The following DLGAP2 variants were observed in gnomAD, a reference collection of about 807,000 sequenced individuals.
DLGAP2 encodes the protein DLG associated protein 2.
Under a neutral mutation model 100.3 loss-of-function variants are expected in DLGAP2, and 26 were observed. The observed-to-expected ratio is 0.26, with a 90% CI of 0.19 to 0.36. The LOEUF (loss-of-function observed/expected upper bound fraction) is 0.36. Ranked by LOEUF, DLGAP2 falls within the 10% of genes least tolerant of loss-of-function variation. DLGAP2 has a pLI of 1.00. For missense variants in DLGAP2, 1,858 were observed against 1,453.2 expected (o/e 1.28, Z -4.53); for synonymous variants, 886 against 630.1 (o/e 1.41, Z -6.08).
At chr8:1,593,748 C>T (rs1421424069) in intron 6 of DLGAP2, among the ~76,000 whole-genome samples, 4 of 152,190 alleles carry the variant, frequency 2.6e-5, no homozygotes, top group African/African-American at 4.8e-5. Context: ...GAGTCTGGCC[C>T]ACTCTGGTTG....
intron 1 of DLGAP2, among the ~76,000 whole-genome samples, chr8:888,196 T>C (rs529915702): frequency 6.6e-6 from 1 of 152,356 alleles, no homozygotes; most frequent in Admixed American, 6.5e-5. Context: ...TACTTGTGTA[T>C]GCTTCATGAA....
intron 3 of DLGAP2, among the ~76,000 whole-genome samples, chr8:1,318,136 G>A (rs13259329): frequency 7.8e-4 from 71 of 91,580 alleles, no homozygotes; most frequent in East Asian, 1.5e-3. Flanking sequence ...CGAGACACTC[G>A]TCAGCGTTTA....
intron 2 of DLGAP2, among the ~76,000 whole-genome samples, chr8:1,085,271 C>A (rs1803937422): frequency 6.6e-6 from 1 of 151,568 alleles, no homozygotes; most frequent in Non-Finnish European, 1.5e-5. Flanking sequence ...AATCCCTTAT[C>A]AGATGTATGG....
At chr8:1,077,020 G>C (rs1193781395) in intron 2 of DLGAP2, among the ~76,000 whole-genome samples, 1 of 149,606 alleles carries the variant, frequency 6.7e-6, no homozygotes, top group Non-Finnish European at 1.5e-5. Flanking sequence ...GGAGGAGTCT[G>C]TCCCGGGCCC....
At chr8:1,550,891 C>T (rs1163698509) in intron 5 of DLGAP2, among the ~76,000 whole-genome samples, 1 of 152,248 alleles carries the variant, frequency 6.6e-6, no homozygotes, top group Non-Finnish European at 1.5e-5. Context: ...ATCACTCTTG[C>T]TTGCCTAGAG....
At chr8:1,031,827 C>G (rs1801982327) in intron 2 of DLGAP2, among the ~76,000 whole-genome samples, 1 of 152,308 alleles carries the variant, frequency 6.6e-6, no homozygotes, top group African/African-American at 2.4e-5. Flanking sequence ...AAGATCTCTT[C>G]AGTGCATTAA....
rs1797936902 is a variant in DLGAP2, at chr8:1,203,961, G to C, written c.74-54890G>C. Among the ~76,000 whole-genome samples, 4 of 152,180 alleles carry C rather than the reference G, an allele frequency of 2.6e-5. No homozygotes were observed. In the South Asian group the frequency reaches 8.3e-4, roughly 31 times the overall value. On this transcript the variant is annotated intron_variant, in intron 2 of 14. Coordinates refer to ENST00000637795, the MANE Select transcript of DLGAP2 (RefSeq NM_001346810.2). ...TGTGCATGTCAAGTGTCAAAAAATA[G>C]GTCACTTCCAAAAAGGCGTTCTTTT...
At position 1,549,078 on chromosome 8, in the gene DLGAP2, A is replaced by G; in HGVS notation, c.625A>G (p.Thr209Ala). 1.9e-6 allele frequency: 3 copies of G among 1,586,934 alleles called. No individual in the cohort carries two copies. Among genetic ancestry groups the G allele is most frequent in the Non-Finnish European group, 1.7e-6 (2 of 1,170,322 alleles). The change falls in exon 5 of 15, where the codon ACG (threonine) becomes GCG (alanine). Residue 209 changes from threonine (T) to alanine (A), a missense_variant. Coordinates refer to ENST00000637795, the MANE Select transcript of DLGAP2 (RefSeq NM_001346810.2). ...GCCGCTGCACCGGGACGGCTTCCAC[A>G]CGCTGCAGTACCAGAGGACGTCCGC... ...QLPLHRDGFH[T>A]LQYQRTSAAA... is the part of the protein sequence containing the mutation.
intron 1 of DLGAP2, among the ~76,000 whole-genome samples, chr8:899,706 A>T (rs764705726): frequency 1.4e-4 from 21 of 152,240 alleles, no homozygotes; most frequent in Non-Finnish European, 2.9e-4. Flanking sequence ...AAACAAACCT[A>T]AGGCAGTTTC....
chr8:1,653,508 A>AC (rs1798214374), intron 8 of DLGAP2, among the ~76,000 whole-genome samples: 1 of 152,202 alleles, frequency 6.6e-6, no homozygotes, highest in Admixed American at 6.5e-5. Context: ...ACTGATCCAC[A>AC]TAGGCTCTGG....
chr8:1,318,860 G>GAGTT (rs1189529931), intron 3 of DLGAP2, among the ~76,000 whole-genome samples: 1 of 140,424 alleles, frequency 7.1e-6, no homozygotes, highest in Admixed American at 8.0e-5. Flanking sequence ...CTAAAAGGCA[G>GAGTT]AGTTAATGAT....
intron 2 of DLGAP2, among the ~76,000 whole-genome samples, chr8:1,144,111 G>A (rs1346333192): frequency 1.3e-5 from 2 of 152,168 alleles, no homozygotes; most frequent in East Asian, 1.9e-4. Flanking sequence ...GAATGATATC[G>A]AGTAAATTAA....
chr8:1,511,506 T>C (rs573338494), intron 4 of DLGAP2, among the ~76,000 whole-genome samples: 4 of 151,260 alleles, frequency 2.6e-5, no homozygotes, highest in African/African-American at 7.3e-5. Context: ...TCCATGGGCG[T>C]AAGTGCTGTC....
chr8:986,305 G>A (rs986358803), intron 2 of DLGAP2, among the ~76,000 whole-genome samples: 2 of 152,074 alleles, frequency 1.3e-5, no homozygotes, highest in Non-Finnish European at 2.9e-5. Context: ...TAATGGCAAT[G>A]TGAATTAAAC....
chr8:1,652,739 G>A (rs1039811560), intron 8 of DLGAP2, among the ~76,000 whole-genome samples: 1 of 152,194 alleles, frequency 6.6e-6, no homozygotes, highest in Admixed American at 6.5e-5. Context: ...CATTCTTGAA[G>A]TCAGGGTCAG....
intron 2 of DLGAP2, among the ~76,000 whole-genome samples, chr8:1,024,913 G>C (rs545402508): frequency 2.6e-5 from 4 of 152,304 alleles, no homozygotes; most frequent in African/African-American, 7.2e-5. Context: ...TAGAACCTTG[G>C]CGTGGCAGAG....
At chr8:1,636,352 C>T (rs926547958) in intron 8 of DLGAP2, among the ~76,000 whole-genome samples, 11 of 152,102 alleles carry the variant, frequency 7.2e-5, no homozygotes, top group African/African-American at 2.4e-4. Context: ...AGGAAACAGC[C>T]ACAGACTTAT....
chr8:848,974 G>T (rs557836567), intron 1 of DLGAP2, among the ~76,000 whole-genome samples: 1 of 150,192 alleles, frequency 6.7e-6, no homozygotes, highest in Non-Finnish European at 1.5e-5. Context: ...GCATAGGATC[G>T]TGAGGTGCCT....
In DLGAP2 at chr8:1,144,613, C is replaced by G. The variant is rs552178319; in HGVS notation, c.74-114238C>G. 8.3e-4 allele frequency among the ~76,000 whole-genome samples: 127 copies of G among 152,352 alleles called. 1 individual carries two copies. The Middle Eastern group carries it at 0.017, about 20-fold the overall frequency. ...CTGGTCCCTTTGCCACCCACAAATA[C>G]GGAGAAGTTGCGTCTAGGTAAATAT... On this transcript the variant is annotated intron_variant, in intron 2 of 14. Transcript: ENST00000637795.
Sources: gnomAD v4.1 joint callset for allele counts (sites outside exome capture counted in the v4.1 genomes callset) on GRCh38, gnomAD v4.1.1 for gene constraint, MANE v1.5 for transcripts, NCBI Gene and HGNC (gene_info 2026-07-23, HGNC 2026-07-21) for gene names.